UBE2E3: variants seen among roughly 807,000 people sequenced by gnomAD.
UBE2E3 encodes the protein ubiquitin-conjugating enzyme E2 E3.
In UBE2E3, 5 loss-of-function variants were observed where a neutral mutation model predicts 23.6. The observed-to-expected ratio is 0.21, with a 90% CI of 0.11 to 0.44. The LOEUF is 0.44. UBE2E3 is among the 20% of genes least tolerant of loss of function. The pLI, the probability that UBE2E3 is intolerant of heterozygous loss-of-function variation, is 0.99. For synonymous variants in UBE2E3, 78 were observed against 87.5 expected (o/e 0.89, Z 0.60); for missense variants, 81 against 249.8 (o/e 0.32, Z 4.55).
At chr2:180,991,990 G>A (rs1684672320) in intron 3 of UBE2E3, among the ~76,000 whole-genome samples, 1 of 152,204 alleles carries the variant, frequency 6.6e-6, no homozygotes, top group Non-Finnish European at 1.5e-5. Context: ...GGTAGGGACT[G>A]CTCTGCTACT....
intron 3 of UBE2E3, among the ~76,000 whole-genome samples, chr2:181,051,770 C>A (rs549298420): frequency 1.1e-4 from 16 of 151,792 alleles, no homozygotes; most frequent in Non-Finnish European, 2.4e-4. Flanking sequence ...AATACTTAGT[C>A]CAACCTAATG....
At chr2:180,996,471 C>A (rs1217410238) in intron 3 of UBE2E3, among the ~76,000 whole-genome samples, 1 of 152,150 alleles carries the variant, frequency 6.6e-6, no homozygotes, top group African/African-American at 2.4e-5. Context: ...TAAATATTAA[C>A]CCTGTTGTTA....
At chr2:181,047,433 T>C (rs151166230) in intron 3 of UBE2E3, among the ~76,000 whole-genome samples, 127 of 152,252 alleles carry the variant, frequency 8.3e-4, no homozygotes, top group African/African-American at 3.0e-3. Flanking sequence ...TCTGTCTCTT[T>C]GACATACTTA....
At chr2:180,998,173 T>C (rs1039258815) in intron 3 of UBE2E3, among the ~76,000 whole-genome samples, 2 of 152,158 alleles carry the variant, frequency 1.3e-5, no homozygotes, top group Non-Finnish European at 2.9e-5. Context: ...ACAAAAATAT[T>C]AATAGCATTT....
intron 4 of UBE2E3, 94 bp downstream of exon 4, chr2:181,057,919 G>T (rs1275093650): frequency 1.5e-6 from 2 of 1,292,780 alleles, no homozygotes; most frequent in Middle Eastern, 2.0e-4. Context: ...CAGTTATTTT[G>T]ATTTCATTGC....
At chr2:180,991,984 G>GC (rs1684671943) in intron 3 of UBE2E3, among the ~76,000 whole-genome samples, 1 of 152,188 alleles carries the variant, frequency 6.6e-6, no homozygotes, top group Non-Finnish European at 1.5e-5. Flanking sequence ...CAGATAGGTA[G>GC]GGACTGCTCT....
At chr2:181,050,919 G>C (rs1686827711) in intron 3 of UBE2E3, among the ~76,000 whole-genome samples, 1 of 151,876 alleles carries the variant, frequency 6.6e-6, no homozygotes, top group Non-Finnish European at 1.5e-5. Flanking sequence ...TCAACGTACA[G>C]TAATAGGTAA....
At chr2:180,987,104 T>C (rs1428320793) in intron 3 of UBE2E3, among the ~76,000 whole-genome samples, 14 of 152,170 alleles carry the variant, frequency 9.2e-5, no homozygotes, top group South Asian at 2.1e-4. Context: ...GATGTTATTT[T>C]AAATGGTTTT....
At chr2:181,049,425 C>T (rs1207390034) in intron 3 of UBE2E3, among the ~76,000 whole-genome samples, 1 of 151,882 alleles carries the variant, frequency 6.6e-6, no homozygotes, top group Non-Finnish European at 1.5e-5. Context: ...ATTATTTCAC[C>T]TTGTGTATGG....
At chr2:181,031,874 C>G (rs1188617319) in intron 3 of UBE2E3, among the ~76,000 whole-genome samples, 2 of 152,106 alleles carry the variant, frequency 1.3e-5, no homozygotes, top group African/African-American at 4.8e-5. Flanking sequence ...TTAATCAGCT[C>G]CTTTCCTGAT....
intron 3 of UBE2E3, among the ~76,000 whole-genome samples, chr2:181,055,916 A>G (rs1322667138): frequency 2.0e-5 from 3 of 151,640 alleles, no homozygotes; most frequent in East Asian, 3.9e-4. Context: ...TTATAAAGTA[A>G]TGGTGTGTTA....
At chr2:181,030,637 A>G (rs756378877) in intron 3 of UBE2E3, among the ~76,000 whole-genome samples, 3 of 152,138 alleles carry the variant, frequency 2.0e-5, no homozygotes, top group African/African-American at 4.8e-5. Context: ...TAAGAGTGGA[A>G]TGATCTCACT....
chr2:181,040,329 C>T (rs991713921), intron 3 of UBE2E3, among the ~76,000 whole-genome samples: 2 of 152,146 alleles, frequency 1.3e-5, no homozygotes, highest in Admixed American at 1.3e-4. Flanking sequence ...TTGCATTTAG[C>T]CTTTTCATAA....
chr2:181,044,318 CTATA>C (rs1234624067), intron 3 of UBE2E3, among the ~76,000 whole-genome samples: 1 of 152,088 alleles, frequency 6.6e-6, no homozygotes, highest in African/African-American at 2.4e-5. Context: ...TAGAAACTGA[CTATA>C]TGTAATTTAT....
chr2:181,020,620 G>T (rs1191332595), intron 3 of UBE2E3, among the ~76,000 whole-genome samples: 2 of 152,082 alleles, frequency 1.3e-5, no homozygotes, highest in African/African-American at 2.4e-5. Flanking sequence ...TCCATCTGCT[G>T]AGCAAATCTT....
chr2:181,011,302 AAG>A (rs933233473), intron 3 of UBE2E3, among the ~76,000 whole-genome samples: 14 of 152,036 alleles, frequency 9.2e-5, no homozygotes, highest in African/African-American at 2.7e-4. Context: ...GGCAGAGTTC[AAG>A]AGAGAGAGGT....
chr2:180,996,583 C>CA (rs763784770), intron 3 of UBE2E3, among the ~76,000 whole-genome samples: 134 of 152,152 alleles, frequency 8.8e-4, no homozygotes, highest in Middle Eastern at 3.2e-3. Context: ...TGAACATCCT[C>CA]AGACTCTGCT....
At position 180,987,471 on chromosome 2, in the gene UBE2E3, AGT is replaced by A. The variant is rs781635215; in HGVS notation, c.245+3381_245+3382del. The A allele has an allele frequency of 1.8e-5, 26 of 1,477,638 alleles. No homozygotes were observed. In the Middle Eastern group the frequency reaches 6.8e-4, roughly 39 times the overall value. The allele number at this position is 1,477,638 out of a possible 1,614,324, so 91.5% of individuals were successfully genotyped here. A position where few individuals can be genotyped will look rare whatever the true frequency, so the allele number is the denominator to read the frequency against. On this transcript the variant is annotated intron_variant, in intron 3 of 5. Transcript: ENST00000410062. Reference sequence around the variant, plus strand: ...CAAATATACTGACGAATATTTTAAGAGTGTATGTTCAGATTGAATCTATACTG... The same window carrying A: ...CAAATATACTGACGAATATTTTAAGAGTATGTTCAGATTGAATCTATACTG...
intron 3 of UBE2E3, among the ~76,000 whole-genome samples, chr2:181,028,476 A>G (rs543627866): frequency 1.3e-5 from 2 of 152,134 alleles, no homozygotes; most frequent in Non-Finnish European, 2.9e-5. Flanking sequence ...ACCATGCAAG[A>G]TAATGCCAAA....
Sources: allele counts gnomAD v4.1 joint callset (sites outside exome capture counted in the v4.1 genomes callset), GRCh38; gene constraint gnomAD v4.1.1; transcripts MANE v1.5; gene names NCBI Gene and HGNC (gene_info 2026-07-23, HGNC 2026-07-21).